The following WDR24 variants were observed in gnomAD, a reference collection of about 807,000 sequenced individuals.
WDR24 encodes GATOR2 complex protein WDR24.
Under a neutral mutation model 66.7 loss-of-function variants are expected in WDR24, and 32 were observed. The observed-to-expected ratio is 0.48, with a 90% CI of 0.36 to 0.64. The LOEUF (loss-of-function observed/expected upper bound fraction) is 0.64, where lower values mean the gene tolerates loss of function less well. Among genes scored for constraint, WDR24 ranks in the 30% least tolerant of loss-of-function variants. The pLI is 0.00. For missense variants in WDR24, 978 were observed against 1,144.1 expected (o/e 0.85, Z 2.09); for synonymous variants, 565 against 469.1 (o/e 1.20, Z -2.64).
In WDR24 at chr16:685,615, G is replaced by A. The variant is rs1355492849; in HGVS notation, c.1679-18C>T. ...GTCCTCGGCTGGAAGGCAGGGACCAGCGGAGGCTCTGAGTCTGTCCTCCAT... is the reference window on the plus strand; with the variant it reads ...GTCCTCGGCTGGAAGGCAGGGACCAACGGAGGCTCTGAGTCTGTCCTCCAT... On this transcript the variant is annotated intron_variant, in intron 6 of 8. Transcript: ENST00000293883. The A allele has an allele frequency of 1.2e-6, 2 of 1,606,116 alleles. No individual in the cohort carries two copies. The highest frequency in any genetic ancestry group is 2.2e-5 in the South Asian group (2 of 91,024).
chr16:688,041 G>C (rs1174525354), intron 1 of WDR24: 1 of 554,644 alleles, frequency 1.8e-6, no homozygotes, highest in African/African-American at 1.9e-5. Flanking sequence ...GGATGCGGCA[G>C]CTGAGCACTG....
Position 687,603 on chromosome 16 carries a change from G to A in WDR24, c.618C>T (p.His206=), listed in dbSNP as rs2039924608. The change falls in exon 2 of 9, where the codon CAC becomes CAT. Residue 206 remains histidine, a synonymous_variant. Transcript: ENST00000293883. ...AGTCGCAGCAGAAGACGGGTCCGTT[G>A]TGGGCTGTGAACATCCTCTCGCACC... The part of the protein sequence containing the change: ...PDRCERMFTA[H]NGPVFCCDWH... The A allele has an allele frequency of 6.2e-7, 1 of 1,613,324 alleles. No individual in the cohort carries two copies. Among genetic ancestry groups the A allele is most frequent in the Non-Finnish European group, 8.5e-7 (1 of 1,180,028 alleles).
intron 3 of WDR24, 42 bp from the exon 4 acceptor site, chr16:686,228 C>T (rs370684456): frequency 3.3e-5 from 53 of 1,600,756 alleles, no homozygotes; most frequent in Non-Finnish European, 4.3e-5. Context: ...CCTGGACACC[C>T]AGCACCCCAT....
At chr16:688,108 A>G (rs1419187733) in intron 1 of WDR24, 1 of 470,338 alleles carries the variant, frequency 2.1e-6, no homozygotes, top group Non-Finnish European at 4.2e-6. Context: ...GGGAGGCCCA[A>G]GGAGGTGCTG....
In WDR24 at chr16:687,865, G is replaced by T. The variant is rs903746996; in HGVS notation, c.482-126C>A. ...AGAACAGAGGCCCAGAGGGTAGAGT[G>T]GACATCCCCAAGATCTGCCCAAGGA... On this transcript the variant is annotated intron_variant, in intron 1 of 8. Transcript: ENST00000293883. 4 of 1,283,986 alleles carry T rather than the reference G, an allele frequency of 3.1e-6. No homozygotes were observed. In the Middle Eastern group the frequency reaches 5.4e-4, roughly 174 times the overall value. 79.5% of individuals were successfully genotyped at this position (1,283,986 alleles called of 1,614,324 possible).
At chr16:686,403 G>A (rs916036080) in intron 3 of WDR24, among the ~76,000 whole-genome samples, 2 of 152,200 alleles carry the variant, frequency 1.3e-5, no homozygotes, top group African/African-American at 4.8e-5. Context: ...TTGGGCAGTG[G>A]GGACTTGCGG....
rs1272424856 is a variant in WDR24 at position 686,917 on chromosome 16, C to T, written c.1159G>A (p.Glu387Lys). ...CTGGAGGCGAGGCCTGCGAAGGGCT[C>T]GGCAGGGTCCAGCTTGCGCTTAAAG... ...IFFKRKLDPA[E>K]PFAGLASSAL... The change falls in exon 3 of 9, where the codon GAG (glutamate) becomes AAG (lysine). Residue 387 changes from glutamate (E) to lysine (K), a missense_variant. This residue lies in a region of WDR24 where 676 missense variants were observed against 617.5 expected (regional missense o/e 1.09). Coordinates refer to ENST00000293883, the MANE Select transcript of WDR24 (RefSeq NM_032259.4). 1.1e-5 allele frequency: 17 copies of T among 1,606,644 alleles called. No homozygotes were observed. The highest frequency in any genetic ancestry group is 1.4e-5 in the Non-Finnish European group (16 of 1,178,942).
Position 687,696 on chromosome 16 carries a change from G to C in WDR24, c.525C>G (p.Asp175Glu). 1 of 1,613,628 alleles carries C rather than the reference G, an allele frequency of 6.2e-7. No individual in the cohort carries two copies. The highest frequency in any genetic ancestry group is 8.5e-7 in the Non-Finnish European group (1 of 1,180,010). The change falls in exon 2 of 9, where the codon GAC becomes GAG. Residue 175 changes from aspartate to glutamate, a missense_variant. Asp to Glu is a conservative substitution (Grantham distance 45). Coordinates refer to ENST00000293883, the MANE Select transcript of WDR24 (RefSeq NM_032259.4). ...SVRDVQFSIRDYFTFASTFEN... is the reference protein window; with the variant it reads ...SVRDVQFSIREYFTFASTFEN... The stretch of plus-strand genomic sequence containing the variant: ...CAAAGGTGGAGGCGAAGGTGAAGTA[G>C]TCCCGGATACTGAACTGCACGTCCC...
At chr16:688,786 C>T (rs1055484491) in intron 1 of WDR24, among the ~76,000 whole-genome samples, 4 of 152,246 alleles carry the variant, frequency 2.6e-5, no homozygotes, top group Admixed American at 1.3e-4. Flanking sequence ...GGCCAGGAAA[C>T]CTGGAAGTCC....
At chr16:688,387 A>G (rs1202065335) in intron 1 of WDR24, among the ~76,000 whole-genome samples, 4 of 152,220 alleles carry the variant, frequency 2.6e-5, no homozygotes, top group East Asian at 3.9e-4. Context: ...TCCCGGGTTC[A>G]AGCAATTCTC....
At position 690,094 on chromosome 16, in the gene WDR24, G is replaced by A. The variant is rs140793952; in HGVS notation, c.-454C>T. The A allele has an allele frequency of 7.3e-4, 337 of 461,426 alleles. 1 individual carries two copies. The highest frequency in any genetic ancestry group is 6.2e-3 in the African/African-American group (313 of 50,444). 28.6% of individuals were successfully genotyped at this position (461,426 alleles called of 1,614,324 possible). A position where few individuals can be genotyped will look rare whatever the true frequency, so the allele number is the denominator to read the frequency against. On this transcript the variant is annotated 5_prime_UTR_variant, in exon 1 of 9. Coordinates refer to ENST00000293883, the MANE Select transcript of WDR24 (RefSeq NM_032259.4). ...CTGAGGGCGGCGGGGCTCTAGGGAG[G>A]AACAAAAGAGGGGAGGGAACAGAGG...
intron 3 of WDR24, 117 bp from the exon 4 acceptor site, chr16:686,303 TC>T: frequency 2.6e-6 from 3 of 1,161,884 alleles, no homozygotes; most frequent in Non-Finnish European, 3.6e-6. Context: ...GTACCCAATG[TC>T]CAGGCCCACC....
In WDR24 at chr16:687,285, C is replaced by T. The variant is rs752251616; in HGVS notation, c.791G>A (p.Arg264His). Residue 264 changes from arginine to histidine, a missense_variant, in exon 3 of 9, where the codon CGC (arginine) becomes CAC (histidine). Arg to His is a conservative substitution (Grantham distance 29). Around this residue, in one of 2 missense-constraint regions of WDR24, gnomAD observed 302 missense variants for 526.6 expected, o/e 0.57. Coordinates refer to ENST00000293883, the MANE Select transcript of WDR24 (RefSeq NM_032259.4). ...CATGGAGCACGTGGCCAGGTGGTGG[C>T]GGCACTCTGGCCGCCACTTCACACG... ...VARVKWRPEC[R>H]HHLATCSMMV... The T allele has an allele frequency of 7.5e-6, 12 of 1,609,644 alleles. No individual in the cohort carries two copies. Among genetic ancestry groups the T allele is most frequent in the Admixed American group, 1.7e-5 (1 of 59,962 alleles).
At position 685,595 on chromosome 16, in the gene WDR24, C is replaced by T. The variant is rs774896273; in HGVS notation, c.1681G>A (p.Glu561Lys). The T allele has an allele frequency of 6.3e-7, 1 of 1,599,744 alleles. No homozygotes were observed. Among genetic ancestry groups the T allele is most frequent in the South Asian group, 1.1e-5 (1 of 90,694 alleles). The change falls in exon 7 of 9, where the codon GAG becomes AAG. Residue 561 changes from glutamate (E) to lysine (K), a missense_variant and splice_region_variant. This residue lies in a region of WDR24 where 676 missense variants were observed against 617.5 expected (regional missense o/e 1.09). Coordinates refer to ENST00000293883, the MANE Select transcript of WDR24 (RefSeq NM_032259.4). ...YLLDPEHAHPEDPECVLPQEA... is the reference protein window; with the variant it reads ...YLLDPEHAHPKDPECVLPQEA... The stretch of plus-strand genomic sequence containing the variant: ...TGCGGCAGCACGCACTCAGGGTCCT[C>T]GGCTGGAAGGCAGGGACCAGCGGAG...
In WDR24 at chr16:687,406, C is replaced by T; in HGVS notation, c.670G>A (p.Ala224Thr). The T allele has an allele frequency of 6.3e-7, 1 of 1,586,398 alleles. No individual in the cohort carries two copies. Among genetic ancestry groups the T allele is most frequent in the Non-Finnish European group, 8.6e-7 (1 of 1,165,532 alleles). ...DWHPEDRGWL[A>T]TGGRDKMVKV... ...ACCATCTTGTCGCGCCCTCCAGTGG[C>T]CAACCAGCCCCTGTGGGAAGAAGGT... Residue 224 changes from alanine (A) to threonine (T), a missense_variant, in exon 3 of 9, where the codon GCC becomes ACC. Physicochemically the swap from Ala to Thr is moderately conservative, Grantham distance 58. Transcript: ENST00000293883.
intron 7 of WDR24, 29 bp from the exon 8 acceptor site, chr16:685,205 A>G (rs768245315): frequency 1.5e-5 from 24 of 1,598,596 alleles, no homozygotes; most frequent in Non-Finnish European, 1.9e-5. Flanking sequence ...GGCAGTCAGG[A>G]TCTGGGTGCC....
intron 7 of WDR24, 40 bp downstream of exon 7, chr16:685,217 G>T (rs764671494): frequency 1.5e-5 from 24 of 1,597,504 alleles, no homozygotes; most frequent in Non-Finnish European, 2.0e-5. Flanking sequence ...CTGGGTGCCA[G>T]GGGCGGCGCT....
Position 686,897 on chromosome 16 carries a change from G to A in WDR24, c.1179C>T (p.Ala393=), listed in dbSNP as rs2151516265. 2 of 1,608,850 alleles carry A rather than the reference G, an allele frequency of 1.2e-6. No individual in the cohort carries two copies. Among genetic ancestry groups the A allele is most frequent in the Non-Finnish European group, 1.7e-6 (2 of 1,179,478 alleles). The change falls in exon 3 of 9, where the codon GCC becomes GCT. Residue 393 remains alanine (A), a synonymous_variant. Coordinates refer to ENST00000293883, the MANE Select transcript of WDR24 (RefSeq NM_032259.4). ...TCTCAAAGACACTGAGGGCACTGGA[G>A]GCGAGGCCTGCGAAGGGCTCGGCAG... ...LDPAEPFAGL[A]SSALSVFETE...
intron 2 of WDR24, 42 bp downstream of exon 2, chr16:687,520 A>G: frequency 6.2e-7 from 1 of 1,602,356 alleles, no homozygotes; most frequent in South Asian, 1.1e-5. Context: ...AGGCAGTGAG[A>G]GCTTACTGTC....
Sources: gnomAD v4.1 joint callset for allele counts (sites outside exome capture counted in the v4.1 genomes callset) on GRCh38, gnomAD v4.1.1 for gene constraint, gnomAD v4.1.1 regional missense constraint, MANE v1.5 for transcripts, NCBI Gene and HGNC (gene_info 2026-07-23, HGNC 2026-07-21) for gene names.